VPS41: variants seen among roughly 807,000 people sequenced by gnomAD.
VPS41 encodes the protein vacuolar protein sorting-associated protein 41 homolog.
Under a neutral mutation model 130.9 loss-of-function variants are expected in VPS41, and 85 were observed. That is an observed-to-expected ratio of 0.65 (90% confidence interval 0.55 to 0.78). The LOEUF (loss-of-function observed/expected upper bound fraction) is 0.78. VPS41 is among the 30% of genes least tolerant of loss of function. The probability of loss-of-function intolerance (pLI) is 0.00; values close to 1 mark genes in which losing one functional copy is unlikely to be tolerated. For missense variants in VPS41, 874 were observed against 1,018.7 expected (o/e 0.86, Z 1.93); for synonymous variants, 335 against 332.9 (o/e 1.01, Z -0.07).
At chr7:38,752,745 A>T (rs1361847202) in intron 21 of VPS41, among the ~76,000 whole-genome samples, 2 of 152,194 alleles carry the variant, frequency 1.3e-5, no homozygotes, top group African/African-American at 4.8e-5. Context: ...TCAGAAATAA[A>T]AAGATGAGTG....
At chr7:38,889,222 G>GA (rs35846866) in intron 2 of VPS41, among the ~76,000 whole-genome samples, 2 of 151,970 alleles carry the variant, frequency 1.3e-5, no homozygotes, top group South Asian at 4.2e-4. Context: ...AGTATTTGGA[G>GA]AAAAAATGGT....
Position 38,724,811 on chromosome 7 carries a change from C to T in VPS41, c.*1435G>A, listed in dbSNP as rs886710130. On this transcript the variant is annotated 3_prime_UTR_variant, in exon 29 of 29. Transcript: ENST00000310301. ...TTCTCCATGTTGGTCAGGCTGGTCT[C>T]GAACGTGCGATCTCAGGTGATCCAC... 6.6e-6 allele frequency: 1 copy of T among 152,442 alleles called. No individual in the cohort carries two copies. The allele number at this position is 152,442 out of a possible 1,614,324, so 9.4% of individuals were successfully genotyped here. A position where few individuals can be genotyped will look rare whatever the true frequency, so the allele number is the denominator to read the frequency against.
rs576331765 is a variant in VPS41, at chr7:38,881,753, C to T, written c.61-12500G>A. On this transcript the variant is annotated intron_variant, in intron 2 of 28. Transcript: ENST00000310301. ...AGGCCTCCTCAAAGCCCTAGTTTCA[C>T]CATCTCCAAAATGAGGACACAACAC... 1.2e-4 allele frequency among the ~76,000 whole-genome samples: 19 copies of T among 152,238 alleles called. 1 individual carries two copies. Among genetic ancestry groups the T allele is most frequent in the African/African-American group, 4.3e-4 (18 of 41,526 alleles).
chr7:38,852,598 A>G (rs1282138638), intron 4 of VPS41, among the ~76,000 whole-genome samples: 1 of 152,198 alleles, frequency 6.6e-6, no homozygotes, highest in Non-Finnish European at 1.5e-5. Context: ...ATCCTATTAA[A>G]TGAAAAACAT....
At chr7:38,752,075 G>T (rs891479534) in intron 22 of VPS41, 101 bp downstream of exon 22, 44 of 1,508,476 alleles carry the variant, frequency 2.9e-5, no homozygotes, top group Non-Finnish European at 3.3e-5. Flanking sequence ...CCCTGGAAAG[G>T]GACAGATGAA....
chr7:38,896,515 A>G (rs1324561614), intron 2 of VPS41, among the ~76,000 whole-genome samples: 1 of 152,236 alleles, frequency 6.6e-6, no homozygotes. Flanking sequence ...ACACAAATTC[A>G]TAAACTTTCT....
intron 2 of VPS41, among the ~76,000 whole-genome samples, chr7:38,888,738 A>G (rs1380927471): frequency 6.6e-6 from 1 of 152,220 alleles, no homozygotes; most frequent in Non-Finnish European, 1.5e-5. Context: ...TCTCAGCACC[A>G]CATTGCACTT....
chr7:38,811,261 A>T (rs1263103667), intron 7 of VPS41, among the ~76,000 whole-genome samples: 1 of 152,122 alleles, frequency 6.6e-6, no homozygotes, highest in Non-Finnish European at 1.5e-5. Context: ...TACATACCAC[A>T]CAACATGTAG....
intron 1 of VPS41, among the ~76,000 whole-genome samples, chr7:38,901,308 T>C (rs1417337697): frequency 1.3e-5 from 2 of 152,176 alleles, no homozygotes; most frequent in Non-Finnish European, 2.9e-5. Flanking sequence ...TGTGTTGCTC[T>C]AAAGGAATAC....
chr7:38,802,362 T>C (rs1784746110), intron 7 of VPS41, among the ~76,000 whole-genome samples: 1 of 152,162 alleles, frequency 6.6e-6, no homozygotes, highest in Non-Finnish European at 1.5e-5. Context: ...TATTTCTGCC[T>C]TTCCTCTCCA....
At chr7:38,814,799 G>A (rs1167081140) in intron 7 of VPS41, among the ~76,000 whole-genome samples, 1 of 152,152 alleles carries the variant, frequency 6.6e-6, no homozygotes, top group Non-Finnish European at 1.5e-5. Context: ...GGGGACAACT[G>A]TAAAATCTCT....
intron 2 of VPS41, among the ~76,000 whole-genome samples, chr7:38,893,554 A>G (rs1027775203): frequency 6.6e-6 from 1 of 152,266 alleles, no homozygotes; most frequent in Non-Finnish European, 1.5e-5. Flanking sequence ...TCTAAGAAGT[A>G]GTCTGGCTCA....
intron 4 of VPS41, 70 bp from the exon 5 acceptor site, chr7:38,830,398 T>C (rs991800717): frequency 4.2e-6 from 4 of 949,182 alleles, no homozygotes; most frequent in Non-Finnish European, 7.0e-6. Flanking sequence ...ATGTCTTTGC[T>C]CTTTGTAAAA....
intron 4 of VPS41, among the ~76,000 whole-genome samples, chr7:38,842,089 A>G (rs903108360): frequency 6.6e-6 from 1 of 152,108 alleles, no homozygotes; most frequent in Non-Finnish European, 1.5e-5. Context: ...TGTATTCTCA[A>G]TTTCACCTAA....
intron 3 of VPS41, 114 bp from the exon 4 acceptor site, chr7:38,862,736 C>G: frequency 3.2e-6 from 2 of 634,764 alleles, no homozygotes; most frequent in Admixed American, 6.0e-5. Flanking sequence ...TCTGCAATGT[C>G]TCAAAAGATA....
intron 4 of VPS41, among the ~76,000 whole-genome samples, chr7:38,833,583 G>A (rs1785435202): frequency 6.6e-6 from 1 of 152,140 alleles, no homozygotes; most frequent in Admixed American, 6.5e-5. Flanking sequence ...CATCTTCTCA[G>A]TGAGATCTGG....
At position 38,808,524 on chromosome 7, in the gene VPS41, T is replaced by C. The variant is rs565458397; in HGVS notation, c.450+9293A>G. Among the ~76,000 whole-genome samples, 4 of 152,350 alleles carry C rather than the reference T, an allele frequency of 2.6e-5. No individual in the cohort carries two copies. The South Asian group carries it at 8.3e-4, about 32-fold the overall frequency. Reference sequence around the variant, plus strand: ...AATAAATAAAGGTATGTATTTACAATGCCTCAACGTGCAACCGTTAGATTG... The same window carrying C: ...AATAAATAAAGGTATGTATTTACAACGCCTCAACGTGCAACCGTTAGATTG... On this transcript the variant is annotated intron_variant, in intron 7 of 28. Transcript: ENST00000310301.
rs762878078 is a variant in VPS41, at chr7:38,830,295, C to A, written c.280G>T (p.Glu94Ter). 2 of 1,613,230 alleles carry A rather than the reference C, an allele frequency of 1.2e-6. No homozygotes were observed. The highest frequency in any genetic ancestry group is 3.3e-5 in the Admixed American group (2 of 60,032). The change falls in exon 5 of 29, where the codon GAA becomes TAA. Residue 94 changes from glutamate (E) to a stop codon, truncating the protein, a stop_gained. Coordinates refer to ENST00000310301, the MANE Select transcript of VPS41 (RefSeq NM_014396.4). LOFTEE classifies it high-confidence loss of function. Reference protein sequence around the residue: ...PVKINQISLDESGEHMGVCSE... With the variant: ...PVKINQISLD ...CACACACCCATGTGCTCTCCACTTT[C>A]ATCCAAGCTAATCTGATTTATCTTC...
chr7:38,888,114 G>GT (rs1786775270), intron 2 of VPS41, among the ~76,000 whole-genome samples: 1 of 152,166 alleles, frequency 6.6e-6, no homozygotes, highest in South Asian at 2.1e-4. Context: ...TGAAAAAACT[G>GT]TATCAATTAA....
Sources: allele counts gnomAD v4.1 joint callset (sites outside exome capture counted in the v4.1 genomes callset), GRCh38; gene constraint gnomAD v4.1.1; transcripts MANE v1.5; gene names NCBI Gene and HGNC (gene_info 2026-07-23, HGNC 2026-07-21).